Variants in PPP3CA observed in about 807,000 individuals in gnomAD.
PPP3CA encodes the protein CAM-PRP catalytic subunit.
A neutral mutation model predicts 66.5 loss-of-function variants in PPP3CA; 14 were observed. The ratio of observed to expected loss-of-function variants is 0.21; its 90% CI spans 0.14 to 0.33. The LOEUF (loss-of-function observed/expected upper bound fraction) is 0.33, where lower values mean the gene tolerates loss of function less well. Ranked by LOEUF, PPP3CA falls within the 10% of genes least tolerant of loss-of-function variation. The pLI is 1.00. For synonymous variants in PPP3CA, 232 were observed against 226.2 expected (o/e 1.03, Z -0.23); for missense variants, 317 against 639.5 (o/e 0.50, Z 5.44).
chr4:101,063,532 T>C (rs1728559737), intron 8 of PPP3CA, among the ~76,000 whole-genome samples, 175 bp from the exon 9 acceptor site: 1 of 151,930 alleles, frequency 6.6e-6, no homozygotes, highest in Non-Finnish European at 1.5e-5. Flanking sequence ...TTACTCAGGG[T>C]AATATATAAC....
rs150487805 is a variant in PPP3CA at position 101,110,938 on chromosome 4, T to C, written c.260-1860A>G. ...TCTTAAAACTTTTATATATTTTATA[T>C]ATGTGTGTACATATAAGATATGAGC... On this transcript the variant is annotated intron_variant, in intron 2 of 13. Coordinates refer to ENST00000394854, the MANE Select transcript of PPP3CA (RefSeq NM_000944.5). 3.6e-3 allele frequency among the ~76,000 whole-genome samples: 434 copies of C among 119,914 alleles called. 7 individuals carry two copies. In the East Asian group the frequency reaches 0.078, roughly 21 times the overall value. The allele number at this position is 119,914 out of a possible 152,430, so 78.7% of individuals were successfully genotyped here.
At chr4:101,286,448 G>T (rs1305916382) in intron 1 of PPP3CA, among the ~76,000 whole-genome samples, 3 of 152,196 alleles carry the variant, frequency 2.0e-5, no homozygotes, top group South Asian at 2.1e-4. Context: ...AATTATTTAG[G>T]TCATAAAGTT....
intron 1 of PPP3CA, among the ~76,000 whole-genome samples, chr4:101,310,714 T>C (rs906121564): frequency 9.8e-5 from 15 of 152,310 alleles, no homozygotes; most frequent in African/African-American, 3.4e-4. Flanking sequence ...ATTTGTTTAA[T>C]TTTGAAAAGT....
At chr4:101,124,707 AAGAAAGAAAGAAAGAAAGAGAAAG>A (rs1722154525) in intron 2 of PPP3CA, among the ~76,000 whole-genome samples, 3 of 105,134 alleles carry the variant, frequency 2.9e-5, no homozygotes, top group African/African-American at 1.2e-4. Context: ...GAAAGAAAGA[AAGAAAGAAAGAAAGAAAGAGAAAG>A]AAAGAAAGAA....
At chr4:101,246,773 T>C (rs1297231394) in intron 1 of PPP3CA, among the ~76,000 whole-genome samples, 1 of 152,112 alleles carries the variant, frequency 6.6e-6, no homozygotes, top group Non-Finnish European at 1.5e-5. Context: ...TCCTTCTATA[T>C]ATATAAAGTT....
At chr4:101,106,450 A>AAAGAAAGAAAGAAAGAAAGAAAGAAGGG (rs751759518) in intron 3 of PPP3CA, among the ~76,000 whole-genome samples, 1 of 11,094 alleles carries the variant, frequency 9.0e-5, no homozygotes. Context: ...AGAAAGAAAG[A>AAAGAAAGAAAGAAAGAAAGAAAGAAGGG]AAGAGAAAAG....
At chr4:101,188,059 C>A (rs543321491) in intron 2 of PPP3CA, among the ~76,000 whole-genome samples, 3 of 152,102 alleles carry the variant, frequency 2.0e-5, no homozygotes, top group East Asian at 3.9e-4. Context: ...CAGATGGCAT[C>A]TTAAATTAGA....
chr4:101,322,340 T>C (rs1386342361), intron 1 of PPP3CA, among the ~76,000 whole-genome samples: 1 of 151,830 alleles, frequency 6.6e-6, no homozygotes, highest in East Asian at 1.9e-4. Context: ...ATGAACGAGA[T>C]TAGGAAGTGC....
chr4:101,218,578 A>G (rs1243063611), intron 1 of PPP3CA, among the ~76,000 whole-genome samples: 2 of 152,074 alleles, frequency 1.3e-5, no homozygotes, highest in Non-Finnish European at 2.9e-5. Context: ...GGAAAGCTGA[A>G]TAATAATTAC....
At position 101,075,697 on chromosome 4, in the gene PPP3CA, T is replaced by C. The variant is rs562340300; in HGVS notation, c.955+4835A>G. 1.3e-4 allele frequency among the ~76,000 whole-genome samples: 20 copies of C among 152,306 alleles called. No individual in the cohort carries two copies. The Middle Eastern group carries it at 0.01, about 78-fold the overall frequency. On this transcript the variant is annotated intron_variant, in intron 8 of 13. Coordinates refer to ENST00000394854, the MANE Select transcript of PPP3CA (RefSeq NM_000944.5). ...TGAGTTGTTTAAGCCAATGTTCACA[T>C]CTGCCACTCTATTTCTCAATCCAGA...
At chr4:101,184,758 A>G (rs1163961340) in intron 2 of PPP3CA, among the ~76,000 whole-genome samples, 2 of 152,182 alleles carry the variant, frequency 1.3e-5, no homozygotes, top group African/African-American at 2.4e-5. Context: ...TCAACAGAGC[A>G]TATAAAACCT....
intron 1 of PPP3CA, among the ~76,000 whole-genome samples, chr4:101,341,103 A>T (rs1209106064): frequency 6.6e-6 from 1 of 152,188 alleles, no homozygotes; most frequent in East Asian, 1.9e-4. Flanking sequence ...TCTCCTAATC[A>T]AACTATTTTA....
chr4:101,289,866 G>A (rs1374356060), intron 1 of PPP3CA, among the ~76,000 whole-genome samples: 3 of 119,200 alleles, frequency 2.5e-5, no homozygotes, highest in East Asian at 2.6e-4. Context: ...CAAAATGTCC[G>A]TGTATGTGTG....
intron 2 of PPP3CA, among the ~76,000 whole-genome samples, chr4:101,149,798 A>T (rs1241118304): frequency 6.6e-6 from 1 of 152,226 alleles, no homozygotes; most frequent in Non-Finnish European, 1.5e-5. Flanking sequence ...CTATCTCATT[A>T]GATCATTATC....
intron 1 of PPP3CA, among the ~76,000 whole-genome samples, chr4:101,302,343 T>C (rs1728405601): frequency 2.0e-5 from 3 of 152,228 alleles, no homozygotes; most frequent in Admixed American, 2.0e-4. Flanking sequence ...TTTAACATTA[T>C]GAAAAGACCA....
chr4:101,339,905 A>ATAG (rs1729758501), intron 1 of PPP3CA, among the ~76,000 whole-genome samples: 1 of 152,218 alleles, frequency 6.6e-6, no homozygotes, highest in Non-Finnish European at 1.5e-5. Flanking sequence ...AGAACTGGAC[A>ATAG]TTTTAAATAA....
At chr4:101,029,893 C>T (rs1167108414) in intron 12 of PPP3CA, among the ~76,000 whole-genome samples, 7 of 151,262 alleles carry the variant, frequency 4.6e-5, no homozygotes, top group African/African-American at 1.7e-4. Flanking sequence ...TTCCAGCAAG[C>T]CCAATTATGT....
At chr4:101,331,582 G>T (rs1314746199) in intron 1 of PPP3CA, among the ~76,000 whole-genome samples, 2 of 152,128 alleles carry the variant, frequency 1.3e-5, no homozygotes, top group Non-Finnish European at 2.9e-5. Flanking sequence ...GCTGGTAAGG[G>T]TTTCAGAGAA....
rs573668314 is a variant in PPP3CA at position 101,270,736 on chromosome 4, G to C, written c.59-74620C>G. On this transcript the variant is annotated intron_variant, in intron 1 of 13. Transcript: ENST00000394854. ...CTTAATTTACAGGTGGGCTAGTGAA[G>C]TCCTTGATGCCCTACATAAGACTTA... 2.6e-5 allele frequency among the ~76,000 whole-genome samples: 4 copies of C among 152,256 alleles called. No individual in the cohort carries two copies. In the South Asian group the frequency reaches 8.3e-4, roughly 32 times the overall value.
Sources: allele counts gnomAD v4.1 joint callset (sites outside exome capture counted in the v4.1 genomes callset), GRCh38; gene constraint gnomAD v4.1.1; transcripts MANE v1.5; gene names NCBI Gene and HGNC (gene_info 2026-07-23, HGNC 2026-07-21).